BRD1: variants seen among roughly 807,000 people sequenced by gnomAD.
The protein encoded by BRD1 is bromodomain-containing protein 1.
A neutral mutation model predicts 107.7 loss-of-function variants in BRD1; 24 were observed. The ratio of observed to expected loss-of-function variants is 0.22; its 90% CI spans 0.16 to 0.31. The LOEUF (loss-of-function observed/expected upper bound fraction) is 0.31, where lower values mean the gene tolerates loss of function less well. BRD1 is among the 10% of genes least tolerant of loss of function. The probability of loss-of-function intolerance (pLI) is 1.00; values close to 1 mark genes in which losing one functional copy is unlikely to be tolerated. For synonymous variants in BRD1, 744 were observed against 686.1 expected (o/e 1.08, Z -1.32); for missense variants, 1,279 against 1,638.6 (o/e 0.78, Z 3.79).
chr22:49,773,594 T>G lies in BRD1; in HGVS notation c.*639A>C, dbSNP rs1241635645. ...GCCAAGTTGAATTTTTATGTGCCTGTATAAAAATGCATATCAATATACCTT... is the reference window on the plus strand; with the variant it reads ...GCCAAGTTGAATTTTTATGTGCCTGGATAAAAATGCATATCAATATACCTT... On this transcript the variant is annotated 3_prime_UTR_variant, in exon 13 of 13. Coordinates refer to ENST00000404760, the MANE Select transcript of BRD1 (RefSeq NM_001304808.3). 6.5e-6 allele frequency: 1 copy of G among 152,702 alleles called. No homozygotes were observed. The highest frequency in any genetic ancestry group is 2.4e-5 in the African/African-American group (1 of 41,462). 9.5% of individuals were successfully genotyped at this position (152,702 alleles called of 1,614,324 possible). A position where few individuals can be genotyped will look rare whatever the true frequency, so the allele number is the denominator to read the frequency against.
chr22:49,783,914 G>C lies in BRD1; in HGVS notation c.2857+3476C>G, dbSNP rs1380426351. ...TTAGCAGAACTCCAGTCCAAGTTGAGGTAAGAGAAAATGATTAGGGTCCAA... is the reference window on the plus strand; with the variant it reads ...TTAGCAGAACTCCAGTCCAAGTTGACGTAAGAGAAAATGATTAGGGTCCAA... On this transcript the variant is annotated intron_variant, in intron 8 of 12. Transcript: ENST00000404760. This position sits in a 1 kb window ranked among gnomAD's most constrained non-coding sequence, Gnocchi z 4.2. 6.6e-6 allele frequency among the ~76,000 whole-genome samples: 1 copy of C among 152,190 alleles called. No homozygotes were observed. Among genetic ancestry groups the C allele is most frequent in the African/African-American group, 2.4e-5 (1 of 41,436 alleles).
intron 2 of BRD1, among the ~76,000 whole-genome samples, chr22:49,817,950 T>C (rs1278129698): frequency 6.6e-6 from 1 of 152,182 alleles, no homozygotes; most frequent in East Asian, 1.9e-4. Context: ...TTAGGATTAC[T>C]AGCCTGAGCC....
rs868695885 is a variant in BRD1 at position 49,790,332 on chromosome 22, A to G, written c.2360-2445T>C. On this transcript the variant is annotated intron_variant, in intron 7 of 12. Coordinates refer to ENST00000404760, the MANE Select transcript of BRD1 (RefSeq NM_001304808.3). ...TGGAAATGTGACTGGAAGTTGACATACAAGAAGGAAGACTCCTCTCAAAGC... is the reference window on the plus strand; with the variant it reads ...TGGAAATGTGACTGGAAGTTGACATGCAAGAAGGAAGACTCCTCTCAAAGC... 2.6e-5 allele frequency among the ~76,000 whole-genome samples: 4 copies of G among 152,334 alleles called. No homozygotes were observed. In the South Asian group the frequency reaches 6.2e-4, roughly 24 times the overall value.
In BRD1 at chr22:49,824,080, T is replaced by C; in HGVS notation, c.238A>G (p.Ser80Gly). Residue 80 changes from serine to glycine, a missense_variant, in exon 2 of 13, where the codon AGC (serine) becomes GGC (glycine). Physicochemically the swap from Ser to Gly is moderately conservative, Grantham distance 56. Coordinates refer to ENST00000404760, the MANE Select transcript of BRD1 (RefSeq NM_001304808.3). This position sits in a 1 kb window ranked among gnomAD's most constrained non-coding sequence, Gnocchi z 5.9. ...CTTAAGCAGACAGGAGGCCGCTCGC[T>C]GTTTTCCTTGTTGCTGTTGCACTCA... ...MSECNSNKEN[S>G]ERPPVCLRTK... 2 of 1,614,044 alleles carry C rather than the reference T, an allele frequency of 1.2e-6. No individual in the cohort carries two copies. Among genetic ancestry groups the C allele is most frequent in the Non-Finnish European group, 1.7e-6 (2 of 1,180,048 alleles).
chr22:49,802,016 C>T (rs993105822), intron 3 of BRD1, among the ~76,000 whole-genome samples: 9 of 152,260 alleles, frequency 5.9e-5, no homozygotes, highest in Non-Finnish European at 1.2e-4. Flanking sequence ...GGAATCTGCC[C>T]TTCAACAGCT....
intron 2 of BRD1, among the ~76,000 whole-genome samples, chr22:49,811,817 C>A (rs1422565408): frequency 6.6e-6 from 1 of 152,246 alleles, no homozygotes; most frequent in Non-Finnish European, 1.5e-5. Context: ...ATGGGACACA[C>A]CGCACAGGCG....
In BRD1 at chr22:49,826,119, A is replaced by G. The variant is rs1223508830; in HGVS notation, c.-15+1378T>C. The G allele has an allele frequency of 5.1e-5, 49 of 959,616 alleles. No individual in the cohort carries two copies. In the South Asian group the frequency reaches 1.8e-3, roughly 35 times the overall value. The allele number at this position is 959,616 out of a possible 1,614,324, so 59.4% of individuals were successfully genotyped here. A position where few individuals can be genotyped will look rare whatever the true frequency, so the allele number is the denominator to read the frequency against. ...GGGACGCCGACACGCGTCATTACTG[A>G]GGTGGGGCAGAAGCAACAGTTGGTT... On this transcript the variant is annotated intron_variant, in intron 1 of 12. Coordinates refer to ENST00000404760, the MANE Select transcript of BRD1 (RefSeq NM_001304808.3).
At chr22:49,804,413 T>C in intron 2 of BRD1, 53 bp from the exon 3 acceptor site, 1 of 1,530,102 alleles carries the variant, frequency 6.5e-7, no homozygotes, top group Non-Finnish European at 8.9e-7. Flanking sequence ...AGATGTTTCA[T>C]CACATAAACT....
At position 49,824,004 on chromosome 22, in the gene BRD1, G is replaced by A. The variant is rs1370225004; in HGVS notation, c.314C>T (p.Pro105Leu). Reference protein sequence around the residue: ...NRVKKKNEALPSAHGTPASAS... With the variant: ...NRVKKKNEALLSAHGTPASAS... ...CGAGGCCGGCGTGCCGTGGGCGCTG[G>A]GGAGGGCCTCGTTTTTCTTTTTGAC... The change falls in exon 2 of 13, where the codon CCC becomes CTC. Residue 105 changes from proline to leucine, a missense_variant. Physicochemically the swap from Pro to Leu is moderately conservative, Grantham distance 98. Transcript: ENST00000404760. This position sits in a 1 kb window ranked among gnomAD's most constrained non-coding sequence, Gnocchi z 5.9. The A allele has an allele frequency of 3.1e-6, 5 of 1,613,950 alleles. No individual in the cohort carries two copies. Among genetic ancestry groups the A allele is most frequent in the Non-Finnish European group, 3.4e-6 (4 of 1,180,040 alleles).
chr22:49,775,717 G>A lies in BRD1; in HGVS notation c.3260C>T (p.Pro1087Leu), dbSNP rs2059069407. 1.2e-6 allele frequency: 2 copies of A among 1,611,292 alleles called. No individual in the cohort carries two copies. Among genetic ancestry groups the A allele is most frequent in the African/African-American group, 1.4e-5 (1 of 74,000 alleles). The change falls in exon 12 of 13, where the codon CCT becomes CTT. Residue 1087 changes from proline (P) to leucine (L), a missense_variant. Pro to Leu is a moderately conservative substitution (Grantham distance 98). Around this residue, in one of 7 missense-constraint regions of BRD1, gnomAD observed 136 missense variants for 196.8 expected, o/e 0.69. Coordinates refer to ENST00000404760, the MANE Select transcript of BRD1 (RefSeq NM_001304808.3). ...LIIDPKMPRV[P>L]GHHNGVTIPA... ...GATGGTGACGCCGTTGTGGTGGCCAGGCACACGGGGCATCTTGGGGTCGAT... is the reference window on the plus strand; with the variant it reads ...GATGGTGACGCCGTTGTGGTGGCCAAGCACACGGGGCATCTTGGGGTCGAT...
At chr22:49,827,016 G>T (rs576885097) in intron 1 of BRD1, among the ~76,000 whole-genome samples, 1 of 152,044 alleles carries the variant, frequency 6.6e-6, no homozygotes, top group African/African-American at 2.4e-5. Flanking sequence ...CGCAGGCCGC[G>T]CGGCTCCTGG....
At chr22:49,795,796 G>A (rs1391159883) in intron 6 of BRD1, among the ~76,000 whole-genome samples, 1 of 152,234 alleles carries the variant, frequency 6.6e-6, no homozygotes, top group Non-Finnish European at 1.5e-5. Context: ...GGTCACCAGA[G>A]GCTAGAGAAG....
intron 2 of BRD1, among the ~76,000 whole-genome samples, chr22:49,821,563 C>T (rs1019528149): frequency 3.3e-5 from 5 of 151,652 alleles, no homozygotes; most frequent in Non-Finnish European, 7.4e-5. Context: ...CTGGACTTCA[C>T]TTTGGTAAAG....
intron 8 of BRD1, among the ~76,000 whole-genome samples, chr22:49,785,042 G>C (rs2059295592): frequency 6.6e-6 from 1 of 152,212 alleles, no homozygotes; most frequent in Admixed American, 6.5e-5. Context: ...GCTCACTGAA[G>C]GTCTGCAGTA....
At position 49,824,097 on chromosome 22, in the gene BRD1, T is replaced by G; in HGVS notation, c.221A>C (p.Asn74Thr). Residue 74 changes from asparagine (N) to threonine (T), a missense_variant, in exon 2 of 13, where the codon AAC becomes ACC. Physicochemically the swap from Asn to Thr is moderately conservative, Grantham distance 65. Around this residue, in one of 7 missense-constraint regions of BRD1, gnomAD observed 223 missense variants for 263.5 expected, o/e 0.85. Coordinates refer to ENST00000404760, the MANE Select transcript of BRD1 (RefSeq NM_001304808.3). This position sits in a 1 kb window ranked among gnomAD's most constrained non-coding sequence, Gnocchi z 5.9. ...CCGCTCGCTGTTTTCCTTGTTGCTG[T>G]TGCACTCACTCATCTCTTGAGCAGT... Reference protein sequence around the residue: ...DLTAQEMSECNSNKENSERPP... With the variant: ...DLTAQEMSECTSNKENSERPP... The G allele has an allele frequency of 6.2e-7, 1 of 1,614,036 alleles. No individual in the cohort carries two copies. The highest frequency in any genetic ancestry group is 8.5e-7 in the Non-Finnish European group (1 of 1,180,032).
intron 6 of BRD1, 51 bp downstream of exon 6, chr22:49,797,754 C>A: frequency 6.5e-7 from 1 of 1,528,432 alleles, no homozygotes; most frequent in Non-Finnish European, 8.8e-7. Flanking sequence ...AGGACAGAGT[C>A]TGCTAGAAAG....
rs1398924209 is a variant in BRD1 at position 49,774,125 on chromosome 22, A to G, written c.*108T>C. ...ACCTCCCCCCTCCCCGGGGAAAAAG[A>G]ATTAAAGAGCTATAACTAAAAATCA... On this transcript the variant is annotated 3_prime_UTR_variant, in exon 13 of 13. Coordinates refer to ENST00000404760, the MANE Select transcript of BRD1 (RefSeq NM_001304808.3). 2 of 1,377,932 alleles carry G rather than the reference A, an allele frequency of 1.5e-6. No homozygotes were observed. The highest frequency in any genetic ancestry group is 5.0e-5 in the East Asian group (2 of 39,850). 85.4% of individuals were successfully genotyped at this position (1,377,932 alleles called of 1,614,324 possible). A position where few individuals can be genotyped will look rare whatever the true frequency, so the allele number is the denominator to read the frequency against.
chr22:49,818,498 G>A, intron 2 of BRD1: 2 of 535,678 alleles, frequency 3.7e-6, no homozygotes, highest in Non-Finnish European at 5.0e-6. Context: ...GAACTCTCAT[G>A]TGAATGAGTC....
chr22:49,775,546 C>G, intron 12 of BRD1, 45 bp downstream of exon 12: 1 of 1,355,696 alleles, frequency 7.4e-7, no homozygotes, highest in Non-Finnish European at 9.5e-7. Context: ...CCACGGCCCC[C>G]AACCACCCCA....
Sources: gnomAD v4.1 joint callset for allele counts (sites outside exome capture counted in the v4.1 genomes callset) on GRCh38, gnomAD v4.1.1 for gene constraint, gnomAD v4.1.1 regional missense constraint, Gnocchi (gnomAD v3.1) non-coding constraint, MANE v1.5 for transcripts, NCBI Gene and HGNC (gene_info 2026-07-23, HGNC 2026-07-21) for gene names.